ERG: variants seen among roughly 807,000 people sequenced by gnomAD.
ERG encodes the protein transcriptional regulator ERG.
In ERG, 9 loss-of-function variants were observed where a neutral mutation model predicts 55.3. The observed-to-expected ratio is 0.16, with a 90% CI of 0.10 to 0.28. ERG has a LOEUF of 0.28. ERG is among the 10% of genes least tolerant of loss of function. The pLI is 1.00. For synonymous variants in ERG, 223 were observed against 237.3 expected (o/e 0.94, Z 0.55); for missense variants, 434 against 631.6 (o/e 0.69, Z 3.35).
chr21:38,647,191 G>A (rs946148801), intron 1 of ERG, among the ~76,000 whole-genome samples: 17 of 152,120 alleles, frequency 1.1e-4, no homozygotes, highest in African/African-American at 4.1e-4. Flanking sequence ...TTCAGGCCAC[G>A]TTCTAAACAA....
At chr21:38,539,509 T>C (rs369023147) in intron 2 of ERG, among the ~76,000 whole-genome samples, 2 of 152,364 alleles carry the variant, frequency 1.3e-5, no homozygotes, top group East Asian at 1.9e-4. Context: ...ATTCACATCC[T>C]ATGTTCACTG....
chr21:38,560,987 T>G (rs1483799657), intron 2 of ERG, among the ~76,000 whole-genome samples: 1 of 152,224 alleles, frequency 6.6e-6, no homozygotes, highest in Admixed American at 6.5e-5. Flanking sequence ...TCAAAAGGTT[T>G]TCTAACACAT....
intron 1 of ERG, among the ~76,000 whole-genome samples, chr21:38,659,432 G>A (rs969978523): frequency 4.6e-5 from 7 of 152,240 alleles, no homozygotes; most frequent in African/African-American, 1.7e-4. Context: ...CCGGGAGCGG[G>A]CACCAGCCAA....
chr21:38,539,449 A>G (rs923626167), intron 2 of ERG, among the ~76,000 whole-genome samples: 1 of 152,248 alleles, frequency 6.6e-6, no homozygotes, highest in Admixed American at 6.5e-5. Context: ...AAAAGAAAAT[A>G]CATGATGGAA....
chr21:38,649,110 T>C (rs1224769430), intron 1 of ERG, among the ~76,000 whole-genome samples: 1 of 152,192 alleles, frequency 6.6e-6, no homozygotes, highest in Admixed American at 6.5e-5. Context: ...ATGGTTCTCA[T>C]TAATCCAAGT....
At chr21:38,611,794 C>T (rs1487182450) in intron 1 of ERG, among the ~76,000 whole-genome samples, 1 of 152,084 alleles carries the variant, frequency 6.6e-6, no homozygotes, top group Non-Finnish European at 1.5e-5. Context: ...TCCTCGGCAC[C>T]CAGGACAGGG....
intron 1 of ERG, among the ~76,000 whole-genome samples, chr21:38,486,173 T>C: frequency 6.6e-6 from 1 of 152,018 alleles, no homozygotes; most frequent in Non-Finnish European, 1.5e-5. Context: ...GACCTCGTGA[T>C]CTGCCCGCCT....
At chr21:38,580,902 C>T (rs921286406) in intron 1 of ERG, among the ~76,000 whole-genome samples, 1 of 152,140 alleles carries the variant, frequency 6.6e-6, no homozygotes, top group Non-Finnish European at 1.5e-5. Context: ...TGAGACCCCT[C>T]GACCCTACCC....
intron 1 of ERG, among the ~76,000 whole-genome samples, chr21:38,484,373 G>A (rs137927353): frequency 6.6e-6 from 1 of 152,254 alleles, no homozygotes; most frequent in East Asian, 1.9e-4. Flanking sequence ...GTTCAAAATA[G>A]CTTGACTTTT....
At chr21:38,565,592 G>C (rs1462057354) in intron 2 of ERG, among the ~76,000 whole-genome samples, 1 of 152,106 alleles carries the variant, frequency 6.6e-6, no homozygotes, top group Admixed American at 6.5e-5. Context: ...TGCACATGCT[G>C]TTCCCTCTCT....
At chr21:38,514,927 A>C (rs2059540551) in intron 2 of ERG, among the ~76,000 whole-genome samples, 1 of 152,048 alleles carries the variant, frequency 6.6e-6, no homozygotes, top group Non-Finnish European at 1.5e-5. Flanking sequence ...ATAGAATTTT[A>C]GTTTTATATA....
chr21:38,375,315 T>C (rs1279775814), downstream of ERG, among the ~76,000 whole-genome samples: 1 of 152,196 alleles, frequency 6.6e-6, no homozygotes, highest in Non-Finnish European at 1.5e-5. Flanking sequence ...AGAGTCAGGC[T>C]CCTAGGATGG....
intron 1 of ERG, among the ~76,000 whole-genome samples, chr21:38,580,152 C>T (rs2060020228): frequency 1.3e-5 from 2 of 152,106 alleles, no homozygotes; most frequent in Admixed American, 6.5e-5. Context: ...GACGGGGTTT[C>T]ACCGTGTCGG....
intron 1 of ERG, among the ~76,000 whole-genome samples, chr21:38,496,965 T>G (rs1023215812): frequency 3.3e-5 from 5 of 152,214 alleles, no homozygotes; most frequent in Non-Finnish European, 7.3e-5. Flanking sequence ...AATAACATTT[T>G]GGGTCACAAA....
chr21:38,400,484 C>A, intron 6 of ERG, 90 bp downstream of exon 6: 1 of 1,021,800 alleles, frequency 9.8e-7, no homozygotes. Context: ...GGGATCAGCT[C>A]TCTTTGTATC....
chr21:38,392,252 A>G lies in ERG; in HGVS notation c.814+124T>C. 3.6e-6 allele frequency: 3 copies of G among 823,040 alleles called. 1 individual carries two copies. The South Asian group carries it at 4.3e-5, about 12-fold the overall frequency. The allele number at this position is 823,040 out of a possible 1,614,324, so 51.0% of individuals were successfully genotyped here. A position where few individuals can be genotyped will look rare whatever the true frequency, so the allele number is the denominator to read the frequency against. On this transcript the variant is annotated intron_variant, in intron 7 of 9. Coordinates refer to ENST00000288319, the MANE Select transcript of ERG (RefSeq NM_182918.4). ...AAAGATCAATTGTACTCTTGTCGTC[A>G]ATGGAACAAACCCATCACATGTTGC... is the stretch of plus-strand genomic sequence containing the variant.
At chr21:38,498,818 C>T (rs532754578), upstream of ERG, among the ~76,000 whole-genome samples, 1 of 152,164 alleles carries the variant, frequency 6.6e-6, no homozygotes, top group African/African-American at 2.4e-5. The surrounding 1 kb of genome is among the most constrained non-coding windows in gnomAD (Gnocchi z 4.6). Context: ...GTTGAGGGCA[C>T]CCCACTGCCC....
chr21:38,604,075 C>T (rs991049810), intron 1 of ERG, among the ~76,000 whole-genome samples: 11 of 147,670 alleles, frequency 7.4e-5, no homozygotes, highest in African/African-American at 2.3e-4. Context: ...GGTGAAACCC[C>T]GTCTCTACTA....
chr21:38,541,139 A>G (rs1227749567), intron 2 of ERG, among the ~76,000 whole-genome samples: 1 of 152,194 alleles, frequency 6.6e-6, no homozygotes, highest in Non-Finnish European at 1.5e-5. Context: ...TGTGGAATCC[A>G]TCTGGATGGA....
Sources: allele counts gnomAD v4.1 joint callset (sites outside exome capture counted in the v4.1 genomes callset), GRCh38; gene constraint gnomAD v4.1.1; non-coding constraint Gnocchi (gnomAD v3.1); transcripts MANE v1.5; gene names NCBI Gene and HGNC (gene_info 2026-07-23, HGNC 2026-07-21).